UBR3: variants seen among roughly 807,000 people sequenced by gnomAD.
UBR3 encodes the protein ubiquitin protein ligase E3 component n-recognin 3.
In UBR3, 85 loss-of-function variants were observed where a neutral mutation model predicts 243.2. The observed-to-expected ratio is 0.35, with a 90% CI of 0.29 to 0.42. The LOEUF is 0.42. Ranked by LOEUF, UBR3 falls within the 10% of genes least tolerant of loss-of-function variation. UBR3 has a pLI of 1.00. For missense variants in UBR3, 1,686 were observed against 2,300.8 expected, an observed-to-expected ratio of 0.73 and a Z score of 5.47; for synonymous variants, 748 against 799.8, an observed-to-expected ratio of 0.94 and a Z score of 1.09.
At chr2:169,857,155 C>A (rs1369141226) in intron 1 of UBR3, among the ~76,000 whole-genome samples, 1 of 128,936 alleles carries the variant, frequency 7.8e-6, no homozygotes, top group South Asian at 2.6e-4. Context: ...CTCACTGTAA[C>A]CTCTGCCTCC....
chr2:170,083,545 G>T lies in UBR3; in HGVS notation c.*1702G>T, dbSNP rs1322968612. 2 of 152,582 alleles carry T rather than the reference G, an allele frequency of 1.3e-5. No individual in the cohort carries two copies. The highest frequency in any genetic ancestry group is 4.8e-5 in the African/African-American group (2 of 41,452). 9.5% of individuals were successfully genotyped at this position (152,582 alleles called of 1,614,324 possible). On this transcript the variant is annotated 3_prime_UTR_variant, in exon 39 of 39. Transcript: ENST00000272793. ...TACCAGACCATTTGTAAGTGTGGTT[G>T]AAGAGCAAAATGCTAATTGACATCT...
At chr2:170,073,806 C>T (rs2091750482) in intron 36 of UBR3, among the ~76,000 whole-genome samples, 199 bp downstream of exon 36, 1 of 151,990 alleles carries the variant, frequency 6.6e-6, no homozygotes, top group African/African-American at 2.4e-5. Context: ...AGGCATTAGT[C>T]AATACTTTTA....
chr2:169,994,211 C>T (rs1191474797), intron 25 of UBR3, 112 bp from the exon 26 acceptor site: 4 of 1,269,340 alleles, frequency 3.2e-6, no homozygotes, highest in Admixed American at 2.3e-5. Context: ...TAAAAATATT[C>T]TAATAGTGAA....
intron 1 of UBR3, among the ~76,000 whole-genome samples, chr2:169,867,493 T>C (rs909822064): frequency 2.0e-5 from 3 of 152,186 alleles, no homozygotes; most frequent in African/African-American, 7.2e-5. Context: ...ATAAACATCT[T>C]TGCAAGCATA....
At chr2:169,890,567 G>GTGTATATA (rs1475776277) in intron 5 of UBR3, among the ~76,000 whole-genome samples, 1 of 59,558 alleles carries the variant, frequency 1.7e-5, no homozygotes, top group African/African-American at 7.7e-5. Context: ...ATATATATGT[G>GTGTATATA]TATATATATA....
intron 26 of UBR3, among the ~76,000 whole-genome samples, chr2:169,995,199 G>T (rs2089436010): frequency 6.6e-6 from 1 of 152,046 alleles, no homozygotes; most frequent in Non-Finnish European, 1.5e-5. Flanking sequence ...CAGTGAACCC[G>T]CATATTTGTT....
chr2:170,006,884 A>C lies in UBR3; in HGVS notation c.4030-106A>C, dbSNP rs557939036. 35 of 896,210 alleles carry C rather than the reference A, an allele frequency of 3.9e-5. No homozygotes were observed. The African/African-American group carries it at 4.7e-4, about 12-fold the overall frequency. 55.5% of individuals were successfully genotyped at this position (896,210 alleles called of 1,614,324 possible). A position where few individuals can be genotyped will look rare whatever the true frequency, so the allele number is the denominator to read the frequency against. ...TATTTCTTTATGACATATATTAGAG[A>C]TGTCTTTTTTCTATGGTTTATTAAT... On this transcript the variant is annotated intron_variant, in intron 27 of 38. Transcript: ENST00000272793.
At position 169,925,577 on chromosome 2, in the gene UBR3, G is replaced by A. The variant is rs575729134; in HGVS notation, c.2023-42G>A. 4.7e-6 allele frequency: 7 copies of A among 1,494,054 alleles called. No individual in the cohort carries two copies. The East Asian group carries it at 1.2e-4, about 27-fold the overall frequency. 92.5% of individuals were successfully genotyped at this position (1,494,054 alleles called of 1,614,324 possible). On this transcript the variant is annotated intron_variant, in intron 13 of 38. Coordinates refer to ENST00000272793, the MANE Select transcript of UBR3 (RefSeq NM_172070.4). ...TTATTTATAATATTTTGTAAAGATT[G>A]CATTTAGATAATTTATTCTTTGTCC...
intron 11 of UBR3, among the ~76,000 whole-genome samples, chr2:169,918,806 A>T (rs2085568943): frequency 6.6e-6 from 1 of 152,196 alleles, no homozygotes. Context: ...AGGAAAGTAG[A>T]ACGTGCATTC....
chr2:169,946,439 C>G (rs1559121554), intron 21 of UBR3, 47 bp downstream of exon 21: 1 of 1,064,586 alleles, frequency 9.4e-7, no homozygotes, highest in Admixed American at 2.8e-5. Flanking sequence ...CAGCCCCTAT[C>G]TGGCTCCAAC....
intron 19 of UBR3, among the ~76,000 whole-genome samples, chr2:169,935,591 A>G (rs2086295242): frequency 6.6e-6 from 1 of 152,142 alleles, no homozygotes. Flanking sequence ...AAAATATGTA[A>G]TTTCTTATAT....
At chr2:170,079,685 T>A in intron 36 of UBR3, 129 bp from the exon 37 acceptor site, 1 of 720,152 alleles carries the variant, frequency 1.4e-6, no homozygotes, top group Non-Finnish European at 2.2e-6. Context: ...ATGAGAGGAG[T>A]GTTAATAAAG....
chr2:169,862,474 A>G (rs1475296045), intron 1 of UBR3, among the ~76,000 whole-genome samples: 1 of 152,116 alleles, frequency 6.6e-6, no homozygotes, highest in East Asian at 1.9e-4. Context: ...ATTCATCATC[A>G]TTGTCTATCT....
At chr2:169,981,233 C>T in intron 24 of UBR3, among the ~76,000 whole-genome samples, 1 of 151,974 alleles carries the variant, frequency 6.6e-6, no homozygotes, top group South Asian at 2.1e-4. Flanking sequence ...GTGTGAGCTG[C>T]ATGTAATGGC....
At chr2:169,854,121 G>A (rs2105295673) in intron 1 of UBR3, among the ~76,000 whole-genome samples, 1 of 152,188 alleles carries the variant, frequency 6.6e-6, no homozygotes, top group East Asian at 1.9e-4. Flanking sequence ...AACCACCATG[G>A]CACATGTATA....
intron 1 of UBR3, among the ~76,000 whole-genome samples, chr2:169,853,333 C>A (rs1003081677): frequency 1.3e-5 from 2 of 152,188 alleles, no homozygotes; most frequent in Admixed American, 6.5e-5. Context: ...TGAGCAGGAT[C>A]TTTTTGTCAG....
chr2:170,042,926 A>C (rs2091003415), intron 32 of UBR3, among the ~76,000 whole-genome samples: 1 of 151,980 alleles, frequency 6.6e-6, no homozygotes, highest in Non-Finnish European at 1.5e-5. Flanking sequence ...AGTCTTATTA[A>C]AATTAATCTC....
intron 32 of UBR3, among the ~76,000 whole-genome samples, chr2:170,054,887 T>C (rs1216706307): frequency 6.6e-6 from 1 of 152,214 alleles, no homozygotes; most frequent in African/African-American, 2.4e-5. Context: ...GCATTAGCAC[T>C]CTGGTCTTCT....
At chr2:169,913,093 T>C (rs1348570612) in intron 10 of UBR3, among the ~76,000 whole-genome samples, 1 of 152,202 alleles carries the variant, frequency 6.6e-6, no homozygotes, top group Non-Finnish European at 1.5e-5. Flanking sequence ...GCAAACAATT[T>C]TTCCAAGCAG....
Sources: allele counts gnomAD v4.1 joint callset (sites outside exome capture counted in the v4.1 genomes callset), GRCh38; gene constraint gnomAD v4.1.1; transcripts MANE v1.5; gene names NCBI Gene and HGNC (gene_info 2026-07-23, HGNC 2026-07-21).